EEA1: variants seen among roughly 807,000 people sequenced by gnomAD.
EEA1 encodes early endosome antigen 1, 162kD.
A neutral mutation model predicts 209.2 loss-of-function variants in EEA1; 111 were observed. That is an observed-to-expected ratio of 0.53 (90% CI 0.45 to 0.62). EEA1 has a LOEUF of 0.62. Ranked by LOEUF, EEA1 falls within the 20% of genes least tolerant of loss-of-function variation. The probability of loss-of-function intolerance (pLI) is 0.00; values close to 1 mark genes in which losing one functional copy is unlikely to be tolerated. For synonymous variants in EEA1, 536 were observed against 540.6 expected, an observed-to-expected ratio of 0.99 and a Z score of 0.12; for missense variants, 1,343 against 1,530.8, an observed-to-expected ratio of 0.88 and a Z score of 2.05.
chr12:92,852,871 T>G (rs1565835765), intron 7 of EEA1, 41 bp downstream of exon 7: 735 of 1,402,740 alleles, frequency 5.2e-4, no homozygotes, highest in Non-Finnish European at 6.7e-4. Flanking sequence ...AAAAAGGTAA[T>G]GAGATTGATT....
At chr12:92,832,959 T>C in intron 10 of EEA1, 109 bp from the exon 11 acceptor site, 1 of 746,968 alleles carries the variant, frequency 1.3e-6, no homozygotes, top group South Asian at 2.3e-5. Flanking sequence ...TTTTAGTCAA[T>C]ATTAAAATAT....
intron 15 of EEA1, 87 bp downstream of exon 15, chr12:92,816,112 AT>A: frequency 8.3e-7 from 1 of 1,200,110 alleles, no homozygotes; most frequent in Non-Finnish European, 1.2e-6. Flanking sequence ...TTCAATTAAT[AT>A]GCAAGGTAAA....
At chr12:92,790,854 T>A (rs1837826021) in intron 21 of EEA1, among the ~76,000 whole-genome samples, 1 of 151,850 alleles carries the variant, frequency 6.6e-6, no homozygotes, top group Admixed American at 6.6e-5. Flanking sequence ...AAGGAAAAAA[T>A]GTTAAGGGCA....
chr12:92,854,032 T>C, intron 5 of EEA1, 78 bp from the exon 6 acceptor site: 1 of 1,147,344 alleles, frequency 8.7e-7, no homozygotes, highest in South Asian at 1.7e-5. Context: ...TGTTAAAAAA[T>C]CTCTGAAAGT....
chr12:92,831,813 C>A (rs977849685), intron 11 of EEA1, among the ~76,000 whole-genome samples: 2 of 151,604 alleles, frequency 1.3e-5, no homozygotes, highest in Non-Finnish European at 2.9e-5. Flanking sequence ...TGGCCGGGCG[C>A]GGTGGCTCAC....
intron 20 of EEA1, among the ~76,000 whole-genome samples, chr12:92,800,633 T>A (rs1231223343): frequency 6.6e-6 from 1 of 152,228 alleles, no homozygotes; most frequent in African/African-American, 2.4e-5. Flanking sequence ...ATAACTAGCA[T>A]GAGCATTTAC....
chr12:92,810,991 G>A (rs1328914936), intron 17 of EEA1, among the ~76,000 whole-genome samples: 1 of 152,014 alleles, frequency 6.6e-6, no homozygotes, highest in Admixed American at 6.6e-5. Context: ...TCCTTGTAAT[G>A]GTAGAGTAGA....
chr12:92,902,751 A>C (rs1476379229), intron 1 of EEA1, among the ~76,000 whole-genome samples: 1 of 151,118 alleles, frequency 6.6e-6, no homozygotes, highest in African/African-American at 2.4e-5. Context: ...AAAAAAAAAA[A>C]AAAAAAAGGC....
intron 2 of EEA1, among the ~76,000 whole-genome samples, chr12:92,877,493 A>G (rs1878961429): frequency 6.6e-6 from 1 of 152,130 alleles, no homozygotes; most frequent in South Asian, 2.1e-4. Flanking sequence ...TCAATAGAAA[A>G]GGTTTTCTGA....
intron 13 of EEA1, 69 bp from the exon 14 acceptor site, chr12:92,819,580 G>T: frequency 9.1e-7 from 1 of 1,100,034 alleles, no homozygotes; most frequent in Non-Finnish European, 1.3e-6. Context: ...AACATAAAAT[G>T]ACTAATAATA....
intron 21 of EEA1, among the ~76,000 whole-genome samples, chr12:92,791,992 T>C (rs1479038632): frequency 6.6e-6 from 1 of 152,148 alleles, no homozygotes; most frequent in Non-Finnish European, 1.5e-5. Flanking sequence ...CAGAACTACA[T>C]GAAAACTGAA....
At chr12:92,862,360 T>G (rs1195210091) in intron 3 of EEA1, among the ~76,000 whole-genome samples, 1 of 151,946 alleles carries the variant, frequency 6.6e-6, no homozygotes, top group African/African-American at 2.4e-5. Flanking sequence ...CTTTGGCAGG[T>G]TGAGGTGGGA....
intron 3 of EEA1, among the ~76,000 whole-genome samples, chr12:92,864,543 A>G (rs1878287569): frequency 1.3e-5 from 2 of 152,212 alleles, no homozygotes; most frequent in African/African-American, 4.8e-5. Flanking sequence ...ACAACTTACT[A>G]TAAAGTCATC....
chr12:92,826,545 T>TAA (rs533887217), intron 12 of EEA1, among the ~76,000 whole-genome samples: 21 of 144,348 alleles, frequency 1.5e-4, no homozygotes, highest in South Asian at 2.2e-4. Context: ...CTGTCTCTAC[T>TAA]AAAAAAAAAA....
chr12:92,783,958 T>C (rs2136652115), intron 22 of EEA1, among the ~76,000 whole-genome samples: 1 of 152,190 alleles, frequency 6.6e-6, no homozygotes, highest in African/African-American at 2.4e-5. Flanking sequence ...AAAGATCTTA[T>C]TTATGAGGAT....
chr12:92,855,793 G>GA (rs1877855384), intron 5 of EEA1, among the ~76,000 whole-genome samples: 1 of 152,128 alleles, frequency 6.6e-6, no homozygotes, highest in African/African-American at 2.4e-5. Flanking sequence ...TTGCACTGTG[G>GA]AAAAGTTATT....
At chr12:92,900,034 CTG>C (rs1880082706) in intron 1 of EEA1, among the ~76,000 whole-genome samples, 1 of 152,138 alleles carries the variant, frequency 6.6e-6, no homozygotes, top group Non-Finnish European at 1.5e-5. Flanking sequence ...GTTTGGGAGA[CTG>C]GAGATTCCTA....
chr12:92,876,830 C>CAA lies in EEA1; in HGVS notation c.118-11845_118-11844dup, dbSNP rs200862903. ...TAGAGGTAAAAAGAAAGCTGATCAC[C>CAA]AAAAAAAAAAAAAAAAGATAAATAA... On this transcript the variant is annotated intron_variant, in intron 2 of 28. Coordinates refer to ENST00000322349, the MANE Select transcript of EEA1 (RefSeq NM_003566.4). Among the ~76,000 whole-genome samples, 78 of 108,332 alleles carry CAA rather than the reference C, an allele frequency of 7.2e-4. 1 individual carries two copies. The highest frequency in any genetic ancestry group is 1.9e-3 in the South Asian group (6 of 3,186). The allele number at this position is 108,332 out of a possible 152,430, so 71.1% of individuals were successfully genotyped here.
intron 14 of EEA1, among the ~76,000 whole-genome samples, chr12:92,818,677 T>A (rs541882446): frequency 6.6e-6 from 1 of 152,188 alleles, no homozygotes; most frequent in African/African-American, 2.4e-5. Context: ...TTGTTTTAAA[T>A]ATTTTCTCAT....
Sources: gnomAD v4.1 joint callset for allele counts (sites outside exome capture counted in the v4.1 genomes callset) on GRCh38, gnomAD v4.1.1 for gene constraint, MANE v1.5 for transcripts, NCBI Gene and HGNC (gene_info 2026-07-23, HGNC 2026-07-21) for gene names.